Variants in CSMD1 observed in about 807,000 individuals in gnomAD.
CSMD1 encodes CUB and Sushi multiple domains 1.
A neutral mutation model predicts 417.5 loss-of-function variants in CSMD1; 213 were observed. That is an observed-to-expected ratio of 0.51 (90% CI 0.46 to 0.57). The LOEUF (loss-of-function observed/expected upper bound fraction) is 0.57, where lower values mean the gene tolerates loss of function less well. Ranked by LOEUF, CSMD1 falls within the 20% of genes least tolerant of loss-of-function variation. CSMD1 has a pLI of 0.00. For synonymous variants in CSMD1, 2,862 were observed against 1,736.8 expected (o/e 1.65, Z -16.11); for missense variants, 6,923 against 4,529.7 (o/e 1.53, Z -15.17).
At chr8:3,641,669 C>G (rs1309490577) in intron 7 of CSMD1, among the ~76,000 whole-genome samples, 1 of 152,160 alleles carries the variant, frequency 6.6e-6, no homozygotes, top group African/African-American at 2.4e-5. Context: ...TCAAATACAG[C>G]TTTTGCCCCA....
At chr8:4,859,567 AAAAC>A (rs1802006784) in intron 1 of CSMD1, among the ~76,000 whole-genome samples, 1 of 152,196 alleles carries the variant, frequency 6.6e-6, no homozygotes. Context: ...TTACAAGAAA[AAAAC>A]AAACAACCCC....
intron 2 of CSMD1, among the ~76,000 whole-genome samples, chr8:4,455,366 A>G (rs62481023): frequency 0.25 from 37,355 of 152,134 alleles, 5,293 homozygotes; most frequent in South Asian, 0.36. Context: ...CAGAAGCTGG[A>G]AAACTGGTCA....
intron 1 of CSMD1, among the ~76,000 whole-genome samples, chr8:4,986,446 G>A (rs994090417): frequency 6.6e-6 from 1 of 152,292 alleles, no homozygotes; most frequent in South Asian, 2.1e-4. Context: ...ACATTCTTCA[G>A]TCATCTTGAA....
intron 23 of CSMD1, among the ~76,000 whole-genome samples, chr8:3,318,003 G>A (rs1034055944): frequency 1.3e-5 from 2 of 152,112 alleles, no homozygotes; most frequent in African/African-American, 2.4e-5. Flanking sequence ...TAGAGACAGG[G>A]TTTCCCCGGC....
chr8:4,226,704 T>TA (rs1255741697), intron 3 of CSMD1, among the ~76,000 whole-genome samples: 1 of 151,714 alleles, frequency 6.6e-6, no homozygotes, highest in Non-Finnish European at 1.5e-5. Context: ...ACGTCCTCTT[T>TA]AAAAAAGAAA....
intron 3 of CSMD1, among the ~76,000 whole-genome samples, chr8:4,164,886 A>ATATAT (rs201946037): frequency 1.0e-4 from 13 of 127,258 alleles, no homozygotes; most frequent in Admixed American, 5.7e-4. Context: ...CAAAGAAAAA[A>ATATAT]AAAAATATAT....
intron 1 of CSMD1, among the ~76,000 whole-genome samples, chr8:4,932,717 G>A (rs1031675417): frequency 5.9e-5 from 9 of 152,190 alleles, no homozygotes; most frequent in African/African-American, 1.9e-4. Flanking sequence ...TGCTGGCACA[G>A]AAGTGATCAG....
rs376922515 is a variant in CSMD1, at chr8:3,196,009, G to A, written c.5194+3705C>T. Among the ~76,000 whole-genome samples, 73 of 152,238 alleles carry A rather than the reference G, an allele frequency of 4.8e-4. No individual in the cohort carries two copies. The South Asian group carries it at 0.014, about 29-fold the overall frequency. The stretch of plus-strand genomic sequence containing the variant: ...GGAGGTCAGGTGTTCTAAGTCACAG[G>A]ATGAGGTAGGAGGTCGGCACAAGGT... On this transcript the variant is annotated intron_variant, in intron 33 of 69. Coordinates refer to ENST00000635120, the MANE Select transcript of CSMD1 (RefSeq NM_033225.6).
chr8:4,666,722 A>G, intron 1 of CSMD1, among the ~76,000 whole-genome samples: 1 of 152,162 alleles, frequency 6.6e-6, no homozygotes, highest in East Asian at 1.9e-4. Context: ...TTTCTTACTG[A>G]GATTTGAGAG....
chr8:3,859,986 T>G (rs1002005352), intron 5 of CSMD1, among the ~76,000 whole-genome samples: 7 of 152,180 alleles, frequency 4.6e-5, no homozygotes, highest in African/African-American at 1.7e-4. Flanking sequence ...TGAGGGTGGT[T>G]TTGGGAAACC....
intron 21 of CSMD1, among the ~76,000 whole-genome samples, chr8:3,356,702 C>A (rs1361780289): frequency 3.6e-5 from 4 of 112,564 alleles, no homozygotes; most frequent in East Asian, 6.2e-4. Context: ...AACAAAAAAA[C>A]GTAATGGCAA....
Position 3,785,840 on chromosome 8 carries a change from G to T in CSMD1, c.819-31798C>A, listed in dbSNP as rs1422502511. ...GAAGAGCTTCTTCCTTATTCCTGAG[G>T]GCTTTGGGAAGTAGAGCAATTAAAG... On this transcript the variant is annotated intron_variant, in intron 5 of 69. Coordinates refer to ENST00000635120, the MANE Select transcript of CSMD1 (RefSeq NM_033225.6). Among the ~76,000 whole-genome samples, 5 of 152,284 alleles carry T rather than the reference G, an allele frequency of 3.3e-5. No individual in the cohort carries two copies. The East Asian group carries it at 9.7e-4, about 29-fold the overall frequency.
intron 3 of CSMD1, among the ~76,000 whole-genome samples, chr8:4,219,627 T>G (rs1800903156): frequency 6.6e-6 from 1 of 152,142 alleles, no homozygotes; most frequent in Non-Finnish European, 1.5e-5. Context: ...CTATATCACT[T>G]TAAGCAAATC....
At chr8:3,405,137 C>A (rs1227462000) in intron 15 of CSMD1, among the ~76,000 whole-genome samples, 2 of 152,160 alleles carry the variant, frequency 1.3e-5, no homozygotes, top group African/African-American at 4.8e-5. Flanking sequence ...ACGTCTCATT[C>A]ACCTGTTTAA....
chr8:3,772,542 CACATATATACATATATACAT>C (rs1798663904), intron 5 of CSMD1, among the ~76,000 whole-genome samples: 1 of 52,934 alleles, frequency 1.9e-5, no homozygotes, highest in African/African-American at 5.2e-5. Context: ...TACATATATA[CACATATATACATATATACAT>C]ATATATACAT....
rs117219703 is a variant in CSMD1 at position 4,161,799 on chromosome 8, T to G, written c.416-129700A>C. On this transcript the variant is annotated intron_variant, in intron 3 of 69. Transcript: ENST00000635120. ...TTGAATTGTGCAAAAGAAACAAAAT[T>G]TGTTCATTTTTTCATAATCTGCTAT... is the stretch of plus-strand genomic sequence containing the variant. Among the ~76,000 whole-genome samples, 11 of 152,274 alleles carry G rather than the reference T, an allele frequency of 7.2e-5. No homozygotes were observed. In the East Asian group the frequency reaches 2.1e-3, roughly 29 times the overall value.
intron 2 of CSMD1, among the ~76,000 whole-genome samples, chr8:4,624,884 G>C (rs1216744192): frequency 6.6e-6 from 1 of 152,084 alleles, no homozygotes; most frequent in Non-Finnish European, 1.5e-5. Context: ...GGGGTGGTGG[G>C]CAGAGAAGGC....
intron 1 of CSMD1, among the ~76,000 whole-genome samples, chr8:4,715,576 C>A (rs550634034): frequency 1.3e-5 from 2 of 152,250 alleles, no homozygotes; most frequent in East Asian, 1.9e-4. Context: ...AACTTCTCTG[C>A]GGATGCCTCA....
chr8:4,184,790 G>T (rs1381273694), intron 3 of CSMD1, among the ~76,000 whole-genome samples: 3 of 151,566 alleles, frequency 2.0e-5, no homozygotes, highest in Non-Finnish European at 4.4e-5. Context: ...CACAACCTGT[G>T]ACACAGGTTT....
Sources: gnomAD v4.1 joint callset for allele counts (sites outside exome capture counted in the v4.1 genomes callset) on GRCh38, gnomAD v4.1.1 for gene constraint, MANE v1.5 for transcripts, NCBI Gene and HGNC (gene_info 2026-07-23, HGNC 2026-07-21) for gene names.